The following ZNF419 variants were observed in gnomAD, a reference collection of about 807,000 sequenced individuals.
ZNF419 encodes the protein zinc finger protein 419A.
Under a neutral mutation model 14.9 loss-of-function variants are expected in ZNF419, and 8 were observed. The observed-to-expected ratio is 0.54, with a 90% confidence interval of 0.32 to 0.97. ZNF419 has a LOEUF of 0.97. Ranked by LOEUF, ZNF419 falls within the 50% of genes least tolerant of loss-of-function variation. The pLI is 0.04. For synonymous variants in ZNF419, 211 were observed against 205.3 expected, an observed-to-expected ratio of 1.03 and a Z score of -0.24; for missense variants, 595 against 607.2, an observed-to-expected ratio of 0.98 and a Z score of 0.21.
At chr19:57,491,272 A>T in intron 2 of ZNF419, 199 bp from the exon 3 acceptor site, 1 of 698,884 alleles carries the variant, frequency 1.4e-6, no homozygotes, top group Non-Finnish European at 2.4e-6. Context: ...CAGAGCTGAG[A>T]TGGACTTTAT....
chr19:57,488,155 G>A (rs2089401167), intron 1 of ZNF419, 172 bp downstream of exon 1: 2 of 1,034,226 alleles, frequency 1.9e-6, no homozygotes, highest in Non-Finnish European at 2.8e-6. Context: ...AAAGATGTGA[G>A]GCGCATTCAG....
chr19:57,493,022 A>G lies in ZNF419; in HGVS notation c.465A>G (p.Ser155=), dbSNP rs1330714214. ...TGAGGAGTTGCAAAGTTCACCTATCAGAGAAGTCCTTGCAAAGCAGGGAGG... is the reference window on the plus strand; with the variant it reads ...TGAGGAGTTGCAAAGTTCACCTATCGGAGAAGTCCTTGCAAAGCAGGGAGG... The part of the protein sequence containing the change: ...PVLRSCKVHL[S]EKSLQSREVG... Residue 155 remains serine (S), a synonymous_variant, in exon 5 of 5, where the codon TCA becomes TCG. Transcript: ENST00000221735. 1.2e-6 allele frequency: 2 copies of G among 1,614,178 alleles called. No individual in the cohort carries two copies. Among genetic ancestry groups the G allele is most frequent in the Admixed American group, 1.7e-5 (1 of 60,008 alleles).
Position 57,493,456 on chromosome 19 carries a change from C to T in ZNF419, c.899C>T (p.Ser300Phe). Residue 300 changes from serine (S) to phenylalanine (F), a missense_variant, in exon 5 of 5, where the codon TCC becomes TTC. By Grantham distance (155) the Ser-to-Phe change is radical. Transcript: ENST00000221735. ...TGTGGAAAAGCTTTCAGGCATAATT[C>T]CACACTTGTTCAGCATCACAAAATC... ...SECGKAFRHNSTLVQHHKIHT... is the reference protein window; with the variant it reads ...SECGKAFRHNFTLVQHHKIHT... 1 of 1,614,098 alleles carries T rather than the reference C, an allele frequency of 6.2e-7. No homozygotes were observed. Among genetic ancestry groups the T allele is most frequent in the African/African-American group, 1.3e-5 (1 of 75,006 alleles).
Position 57,487,754 on chromosome 19 carries a change from T to C in ZNF419, c.-197T>C. ...GGGACTTCCGGCGTCTCGTTTGGTA[T>C]TCACTTTCGCGACTCAGGTGAACTA... On this transcript the variant is annotated 5_prime_UTR_variant, in exon 1 of 5. Transcript: ENST00000221735. 2 of 695,756 alleles carry C rather than the reference T, an allele frequency of 2.9e-6. No individual in the cohort carries two copies. Among genetic ancestry groups the C allele is most frequent in the East Asian group, 2.7e-5 (1 of 36,682 alleles). The allele number at this position is 695,756 out of a possible 1,614,324, so 43.1% of individuals were successfully genotyped here.
Position 57,493,945 on chromosome 19 carries a change from T to C in ZNF419, c.1388T>C (p.Leu463Ser), listed in dbSNP as rs1457657906. 1.9e-6 allele frequency: 3 copies of C among 1,613,810 alleles called. No individual in the cohort carries two copies. The Admixed American group carries it at 5.0e-5, about 27-fold the overall frequency. Reference sequence around the variant, plus strand: ...TTTAAGTGCAATGAATGTGGGAGATTGTTTAGAGAGAATTCCAGCCTTGTT... The same window carrying C: ...TTTAAGTGCAATGAATGTGGGAGATCGTTTAGAGAGAATTCCAGCCTTGTT... ...KPFKCNECGRLFRENSSLVKH... is the reference protein window; with the variant it reads ...KPFKCNECGRSFRENSSLVKH... The change falls in exon 5 of 5, where the codon TTG becomes TCG. Residue 463 changes from leucine to serine, a missense_variant. Physicochemically the swap from Leu to Ser is moderately radical, Grantham distance 145. Coordinates refer to ENST00000221735, the MANE Select transcript of ZNF419 (RefSeq NM_024691.4).
rs1450550127 is a variant in ZNF419, at chr19:57,493,759, G to A, written c.1202G>A (p.Cys401Tyr). 6.2e-7 allele frequency: 1 copy of A among 1,614,204 alleles called. No individual in the cohort carries two copies. The highest frequency in any genetic ancestry group is 8.5e-7 in the Non-Finnish European group (1 of 1,180,008). ...KVHTGEKPFK[C>Y]NECGRFFREN... ...CACACTGGAGAAAAGCCTTTTAAGTGCAATGAATGTGGGAGATTCTTTAGA... is the reference window on the plus strand; with the variant it reads ...CACACTGGAGAAAAGCCTTTTAAGTACAATGAATGTGGGAGATTCTTTAGA... Residue 401 changes from cysteine to tyrosine, a missense_variant, in exon 5 of 5, where the codon TGC becomes TAC. Transcript: ENST00000221735.
rs183192531 is a variant in ZNF419, at chr19:57,493,658, A to C, written c.1101A>C (p.Gly367=). 5.7e-3 allele frequency: 9,261 copies of C among 1,614,140 alleles called. 42 individuals are homozygous for C. Among genetic ancestry groups the C allele is most frequent in the Middle Eastern group, 0.018 (110 of 6,062 alleles). ...NLIKHWRVHT[G]ERPYKCSDCG... ...TCAAACATTGGCGTGTTCATACTGGAGAAAGGCCTTACAAGTGCAGCGACT... is the reference window on the plus strand; with the variant it reads ...TCAAACATTGGCGTGTTCATACTGGCGAAAGGCCTTACAAGTGCAGCGACT... Residue 367 remains glycine (G), a synonymous_variant, in exon 5 of 5, where the codon GGA becomes GGC. Transcript: ENST00000221735.
chr19:57,487,780 A>T lies in ZNF419; in HGVS notation c.-171A>T. The T allele has an allele frequency of 2.2e-6, 2 of 890,292 alleles. No homozygotes were observed. Among genetic ancestry groups the T allele is most frequent in the Non-Finnish European group, 1.8e-6 (1 of 567,370 alleles). 55.1% of individuals were successfully genotyped at this position (890,292 alleles called of 1,614,324 possible). ...TCACTTTCGCGACTCAGGTGAACTA[A>T]CCTGCGAGAAGCTGGTTGTGCGCTG... On this transcript the variant is annotated 5_prime_UTR_variant, in exon 1 of 5. Transcript: ENST00000221735.
At position 57,493,670 on chromosome 19, in the gene ZNF419, C is replaced by A. The variant is rs546879304; in HGVS notation, c.1113C>A (p.Tyr371Ter). 5.0e-6 allele frequency: 8 copies of A among 1,613,932 alleles called. No homozygotes were observed. The highest frequency in any genetic ancestry group is 1.3e-5 in the African/African-American group (1 of 74,904). The change falls in exon 5 of 5, where the codon TAC (tyrosine) becomes TAA (stop). Residue 371 changes from tyrosine (Y) to a stop codon, truncating the protein, a stop_gained. Transcript: ENST00000221735. LOFTEE classifies it low-confidence loss of function (END_TRUNC). ...HWRVHTGERP[Y>*]KCSDCGKFFT... Reference sequence around the variant, plus strand: ...GTGTTCATACTGGAGAAAGGCCTTACAAGTGCAGCGACTGTGGGAAATTTT... The same window carrying A: ...GTGTTCATACTGGAGAAAGGCCTTAAAAGTGCAGCGACTGTGGGAAATTTT...
At chr19:57,490,330 G>A (rs768301987) in intron 2 of ZNF419, 145 bp downstream of exon 2, 4 of 665,292 alleles carry the variant, frequency 6.0e-6, no homozygotes, top group Non-Finnish European at 1.1e-5. Flanking sequence ...CACAGTCAGG[G>A]CCCTGAGTCC....
intron 2 of ZNF419, chr19:57,490,683 C>T (rs2089461350): frequency 1.3e-5 from 2 of 154,154 alleles, no homozygotes; most frequent in Non-Finnish European, 2.9e-5. Flanking sequence ...GTTCTCATTT[C>T]TGGCAACCAA....
At position 57,487,983 on chromosome 19, in the gene ZNF419, G is replaced by T; in HGVS notation, c.33G>T (p.Gln11His). 2 of 1,613,706 alleles carry T rather than the reference G, an allele frequency of 1.2e-6. No individual in the cohort carries two copies. The highest frequency in any genetic ancestry group is 3.3e-5 in the Admixed American group (2 of 60,022). MAAAALRDPA[Q>H]VPVAADLLTD... Reference sequence around the variant, plus strand: ...CGGCCGCCCTGAGGGACCCCGCTCAGGTGAGCGCCGCGTCCTCCTGGCCTC... The same window carrying T: ...CGGCCGCCCTGAGGGACCCCGCTCATGTGAGCGCCGCGTCCTCCTGGCCTC... The change falls in exon 1 of 5, where the codon CAG becomes CAT. Residue 11 changes from glutamine (Q) to histidine (H), a missense_variant and splice_region_variant. Transcript: ENST00000221735.
At chr19:57,489,481 T>G (rs1422825874) in intron 1 of ZNF419, 3 of 116,870 alleles carry the variant, frequency 2.6e-5, no homozygotes, top group Non-Finnish European at 3.3e-5. Context: ...TCTTTCTTTC[T>G]TTCTTTTTTT....
rs1289951061 is a variant in ZNF419 at position 57,494,394 on chromosome 19, G to A, written c.*304G>A. 6.1e-6 allele frequency: 2 copies of A among 326,626 alleles called. No individual in the cohort carries two copies. Among genetic ancestry groups the A allele is most frequent in the Non-Finnish European group, 5.4e-6 (1 of 185,840 alleles). The allele number at this position is 326,626 out of a possible 1,614,324, so 20.2% of individuals were successfully genotyped here. ...AACTCTGAGGATGGCCTTTATGAGGGAGCTGGCAATTGAACATCATTCATC... is the reference window on the plus strand; with the variant it reads ...AACTCTGAGGATGGCCTTTATGAGGAAGCTGGCAATTGAACATCATTCATC... On this transcript the variant is annotated 3_prime_UTR_variant, in exon 5 of 5. Coordinates refer to ENST00000221735, the MANE Select transcript of ZNF419 (RefSeq NM_024691.4).
rs188853075 is a variant in ZNF419 at position 57,487,800 on chromosome 19, G to A, written c.-151G>A. On this transcript the variant is annotated 5_prime_UTR_variant, in exon 1 of 5. Transcript: ENST00000221735. ...AACTAACCTGCGAGAAGCTGGTTGT[G>A]CGCTGAGGCGACCAGCGCCGGAAGG... 22 of 1,111,022 alleles carry A rather than the reference G, an allele frequency of 2.0e-5. No homozygotes were observed. The highest frequency in any genetic ancestry group is 9.3e-5 in the African/African-American group (6 of 64,482). 68.8% of individuals were successfully genotyped at this position (1,111,022 alleles called of 1,614,324 possible).
At chr19:57,492,775 G>A in intron 4 of ZNF419, 81 bp from the exon 5 acceptor site, 3 of 1,569,126 alleles carry the variant, frequency 1.9e-6, no homozygotes, top group Non-Finnish European at 2.6e-6. Flanking sequence ...TAATTACTGG[G>A]TGTGTTAGAC....
Position 57,494,537 on chromosome 19 carries a change from C to T in ZNF419, c.*447C>T, listed in dbSNP as rs925654601. 5 of 169,706 alleles carry T rather than the reference C, an allele frequency of 2.9e-5. No homozygotes were observed. The highest frequency in any genetic ancestry group is 4.8e-5 in the African/African-American group (2 of 42,006). The allele number at this position is 169,706 out of a possible 1,614,324, so 10.5% of individuals were successfully genotyped here. ...GCCCTGTATTCTTGGCTGTACCCGT[C>T]GAATGGAGTTTTGATCTCGCTGAGT... On this transcript the variant is annotated 3_prime_UTR_variant, in exon 5 of 5. Coordinates refer to ENST00000221735, the MANE Select transcript of ZNF419 (RefSeq NM_024691.4).
At chr19:57,491,074 A>G in intron 2 of ZNF419, 1 of 205,312 alleles carries the variant, frequency 4.9e-6, no homozygotes, top group South Asian at 9.2e-5. Context: ...GAGGTGATGT[A>G]GAGGGTAGTG....
In ZNF419 at chr19:57,493,374, C is replaced by G. The variant is rs559767727; in HGVS notation, c.817C>G (p.His273Asp). The change falls in exon 5 of 5, where the codon CAC becomes GAC. Residue 273 changes from histidine (H) to aspartate (D), a missense_variant. By Grantham distance (81) the His-to-Asp change is moderately conservative. Coordinates refer to ENST00000221735, the MANE Select transcript of ZNF419 (RefSeq NM_024691.4). ...NCGKSFSRNA[H>D]LIEHQRVHTG... ...TGGAAAATCCTTTAGCCGTAATGCT[C>G]ACCTCATTGAACACCAGAGAGTTCA... The G allele has an allele frequency of 6.8e-5, 109 of 1,613,790 alleles. No individual in the cohort carries two copies. The highest frequency in any genetic ancestry group is 5.6e-4 in the East Asian group (25 of 44,828).
Sources: allele counts gnomAD v4.1 joint callset, GRCh38; gene constraint gnomAD v4.1.1; transcripts MANE v1.5; gene names NCBI Gene and HGNC (gene_info 2026-07-23, HGNC 2026-07-21).